SLC12A9: variants seen among roughly 807,000 people sequenced by gnomAD.
SLC12A9 encodes the protein solute carrier family 12 member 9.
Under a neutral mutation model 66.0 loss-of-function variants are expected in SLC12A9, and 55 were observed. The observed-to-expected ratio is 0.83, with a 90% confidence interval of 0.67 to 1.04. The LOEUF (loss-of-function observed/expected upper bound fraction) is 1.04. Ranked by LOEUF, SLC12A9 falls within the 50% of genes least tolerant of loss-of-function variation. The pLI is 0.00. For synonymous variants in SLC12A9, 577 were observed against 569.0 expected (o/e 1.01, Z -0.20); for missense variants, 1,061 against 1,241.9 (o/e 0.85, Z 2.19).
In SLC12A9 at chr7:100,829,910, C is replaced by T. The variant is rs1813509946; in HGVS notation, n.228+2863C>T. Among the ~76,000 whole-genome samples the T allele has an allele frequency of 2.0e-5, 3 of 151,880 alleles. No homozygotes were observed. In the South Asian group the frequency reaches 6.2e-4, roughly 32 times the overall value. ...GGGCATCATGGCACACACCTGTAGTCCCAGCTACTAGGGAGGCTGAGGCAC... is the reference window on the plus strand; with the variant it reads ...GGGCATCATGGCACACACCTGTAGTTCCAGCTACTAGGGAGGCTGAGGCAC... On this transcript the variant is annotated intron_variant and non_coding_transcript_variant, in intron 1 of 1. Transcript: ENST00000461016.
At chr7:100,836,419 C>T (rs1190238668) in intron 1 of SLC12A9, among the ~76,000 whole-genome samples, 3 of 152,062 alleles carry the variant, frequency 2.0e-5, no homozygotes, top group Non-Finnish European at 2.9e-5. Context: ...TCAGCCCTCT[C>T]CCAGGCCCCA....
chr7:100,861,103 T>C lies in SLC12A9; in HGVS notation c.1219-35T>C, dbSNP rs1276484584. 2.5e-6 allele frequency: 4 copies of C among 1,614,024 alleles called. No individual in the cohort carries two copies. Among genetic ancestry groups the C allele is most frequent in the South Asian group, 1.1e-5 (1 of 91,088 alleles). On this transcript the variant is annotated intron_variant, in intron 9 of 13. Transcript: ENST00000354161. The surrounding 1 kb of genome is among the most constrained non-coding windows in gnomAD (Gnocchi z 5.3). ...GGCATTTTGGGGGTGCACTGGCACT[T>C]TGGAACAACGGCACGCCTCTTGGCC...
chr7:100,829,445 C>T (rs532335788), intron 1 of SLC12A9, among the ~76,000 whole-genome samples: 22 of 152,276 alleles, frequency 1.4e-4, no homozygotes, highest in African/African-American at 5.3e-4. Context: ...ACTTATCTTC[C>T]TGCTGCAAGA....
chr7:100,861,510 C>G lies in SLC12A9; in HGVS notation c.1462C>G (p.Leu488Val). The G allele has an allele frequency of 6.2e-7, 1 of 1,613,866 alleles. No homozygotes were observed. The highest frequency in any genetic ancestry group is 8.5e-7 in the Non-Finnish European group (1 of 1,180,030). Reference sequence around the variant, plus strand: ...TGGCTCCCTGCTCCTCATGGGTCTGCTGGCTGCCCTGCTCACCGCGCGAGG... The same window carrying G: ...TGGCTCCCTGCTCCTCATGGGTCTGGTGGCTGCCCTGCTCACCGCGCGAGG... ...AGGSLLLMGL[L>V]AALLTARGGP... The change falls in exon 11 of 14, where the codon CTG becomes GTG. Residue 488 changes from leucine (L) to valine (V), a missense_variant. Physicochemically the swap from Leu to Val is conservative, Grantham distance 32 (BLOSUM62 1). Coordinates refer to ENST00000354161, the MANE Select transcript of SLC12A9 (RefSeq NM_020246.4). This position sits in a 1 kb window ranked among gnomAD's most constrained non-coding sequence, Gnocchi z 5.3.
chr7:100,834,358 T>C (rs314320), intron 1 of SLC12A9, among the ~76,000 whole-genome samples: 77,384 of 151,932 alleles, frequency 0.51, 20,095 homozygotes, highest in Middle Eastern at 0.75. Context: ...GCAGGACTGC[T>C]CTGGGGAGCT....
intron 9 of SLC12A9, chr7:100,860,906 G>T: frequency 1.4e-6 from 1 of 699,936 alleles, no homozygotes; most frequent in South Asian, 1.6e-5. Context: ...GGGTTTAATA[G>T]CATTTTAGGG....
At chr7:100,827,138 T>A in intron 1 of SLC12A9, 1 of 1,247,906 alleles carries the variant, frequency 8.0e-7, no homozygotes, top group Non-Finnish European at 1.1e-6. Context: ...GCGGGACTCC[T>A]CGTCGGGGCC....
At chr7:100,854,413 T>C in intron 2 of SLC12A9, 35 bp downstream of exon 2, 3 of 1,603,564 alleles carry the variant, frequency 1.9e-6, no homozygotes, top group Non-Finnish European at 2.5e-6. Context: ...GGACTGACTA[T>C]AGTATGGGAG....
At chr7:100,827,519 G>T in intron 1 of SLC12A9, 1 of 151,746 alleles carries the variant, frequency 6.6e-6, no homozygotes, top group South Asian at 1.9e-4. Flanking sequence ...AGCTGCGCTG[G>T]AACTGGGCCG....
rs1813417491 is a variant in SLC12A9 at position 100,826,954 on chromosome 7, C to CA, written n.135_136insA. 2.7e-6 allele frequency: 4 copies of CA among 1,503,394 alleles called. No individual in the cohort carries two copies. The East Asian group carries it at 7.8e-5, about 29-fold the overall frequency. The allele number at this position is 1,503,394 out of a possible 1,614,324, so 93.1% of individuals were successfully genotyped here. A position where few individuals can be genotyped will look rare whatever the true frequency, so the allele number is the denominator to read the frequency against. The stretch of plus-strand genomic sequence containing the variant: ...GGGAGGTCCCAGGAGTGACGGGGTG[C>CA]GCCCCCCCCCGCAAGGAAACTCACC... On this transcript the variant is annotated non_coding_transcript_exon_variant, in exon 1 of 2. Coordinates refer to the SLC12A9 transcript ENST00000461016.
At position 100,839,632 on chromosome 7, in the gene SLC12A9, C is replaced by T. The variant is rs549048305; in HGVS notation, n.228+12585C>T. The stretch of plus-strand genomic sequence containing the variant: ...AGGCATTTGCCCCAGGAGGACGCTT[C>T]GCCAGAGCAGTGTGTGGCAGGCCCC... On this transcript the variant is annotated intron_variant and non_coding_transcript_variant, in intron 1 of 1. Coordinates refer to the SLC12A9 transcript ENST00000461016. 3.9e-5 allele frequency among the ~76,000 whole-genome samples: 6 copies of T among 152,328 alleles called. No individual in the cohort carries two copies. In the South Asian group the frequency reaches 6.2e-4, roughly 16 times the overall value.
intron 1 of SLC12A9, among the ~76,000 whole-genome samples, chr7:100,832,030 T>G (rs567965702): frequency 6.6e-6 from 1 of 152,346 alleles, no homozygotes; most frequent in South Asian, 2.1e-4. Flanking sequence ...CCAATAGAGT[T>G]GTAAAGCTCA....
intron 1 of SLC12A9, among the ~76,000 whole-genome samples, chr7:100,844,009 C>T (rs1813844647): frequency 6.6e-6 from 1 of 152,258 alleles, no homozygotes; most frequent in East Asian, 1.9e-4. Context: ...GATGACAAGC[C>T]CTGCTCCAGT....
At chr7:100,851,483 G>A (rs1201999865), upstream of SLC12A9, among the ~76,000 whole-genome samples, 1 of 148,782 alleles carries the variant, frequency 6.7e-6, no homozygotes, top group Middle Eastern at 3.4e-3. Flanking sequence ...GAGTGCAGTG[G>A]TGCGATCTCA....
chr7:100,858,589 C>T (rs1370282895), intron 5 of SLC12A9: 5 of 407,402 alleles, frequency 1.2e-5, no homozygotes, highest in Middle Eastern at 1.4e-3. Context: ...GACCCTGTCT[C>T]TAAAAAATAA....
At chr7:100,851,784 CAAAAAA>C (rs66749400), upstream of SLC12A9, among the ~76,000 whole-genome samples, 48 of 74,234 alleles carry the variant, frequency 6.5e-4, no homozygotes, top group Admixed American at 9.0e-4. Context: ...GTTCCTGGAT[CAAAAAA>C]AAAAAAAAAA....
chr7:100,848,717 T>C (rs1055260849), upstream of SLC12A9, among the ~76,000 whole-genome samples: 5 of 151,538 alleles, frequency 3.3e-5, no homozygotes, highest in Admixed American at 2.6e-4. Flanking sequence ...AAACCCCGTC[T>C]CCACTAAAAA....
At chr7:100,833,865 G>A (rs1003512460) in intron 1 of SLC12A9, among the ~76,000 whole-genome samples, 15 of 146,994 alleles carry the variant, frequency 1.0e-4, no homozygotes, top group South Asian at 6.5e-4. Flanking sequence ...CCCGGGAGGC[G>A]GAGCTTGCAG....
At chr7:100,831,711 T>C (rs1488557434) in intron 1 of SLC12A9, among the ~76,000 whole-genome samples, 1 of 152,136 alleles carries the variant, frequency 6.6e-6, no homozygotes, top group Non-Finnish European at 1.5e-5. Context: ...TTTCCTATTG[T>C]AAGAAATAAC....
Sources: gnomAD v4.1 joint callset for allele counts (sites outside exome capture counted in the v4.1 genomes callset) on GRCh38, gnomAD v4.1.1 for gene constraint, Gnocchi (gnomAD v3.1) non-coding constraint, MANE v1.5 for transcripts, NCBI Gene and HGNC (gene_info 2026-07-23, HGNC 2026-07-21) for gene names.